The following TKT variants were observed in gnomAD, a reference collection of about 807,000 sequenced individuals.
The protein encoded by TKT is transketolase.
Under a neutral mutation model 63.9 loss-of-function variants are expected in TKT, and 47 were observed. The ratio of observed to expected loss-of-function variants is 0.74; its 90% CI spans 0.58 to 0.94. The LOEUF is 0.94. TKT is among the 40% of genes least tolerant of loss of function. TKT has a pLI of 0.00. For missense variants in TKT, 721 were observed against 846.2 expected, an observed-to-expected ratio of 0.85 and a Z score of 1.84; for synonymous variants, 338 against 334.1, an observed-to-expected ratio of 1.01 and a Z score of -0.13.
chr3:53,243,679 A>T, intron 1 of TKT: 2 of 453,842 alleles, frequency 4.4e-6, no homozygotes, highest in South Asian at 1.6e-5. Context: ...CCTGGCAGGG[A>T]CCCTAATCCC....
chr3:53,243,780 C>G (rs1250846253), intron 1 of TKT, among the ~76,000 whole-genome samples: 3 of 152,166 alleles, frequency 2.0e-5, no homozygotes, highest in African/African-American at 7.2e-5. Context: ...GCTGACCTCT[C>G]GTCCTTCCCA....
At chr3:53,243,900 C>T (rs1043602178) in intron 1 of TKT, among the ~76,000 whole-genome samples, 2 of 152,178 alleles carry the variant, frequency 1.3e-5, no homozygotes, top group East Asian at 1.9e-4. Flanking sequence ...CCAAACTGTT[C>T]CGGGGAAGAA....
intron 4 of TKT, among the ~76,000 whole-genome samples, chr3:53,237,344 C>A (rs1705075402): frequency 6.6e-6 from 1 of 151,612 alleles, no homozygotes; most frequent in African/African-American, 2.4e-5. Flanking sequence ...GCTAAGATGG[C>A]ACCACTGCAC....
intron 1 of TKT, among the ~76,000 whole-genome samples, chr3:53,249,328 A>G (rs1443928127): frequency 6.6e-6 from 1 of 152,036 alleles, no homozygotes. Context: ...CTGTAATCCC[A>G]ACACTTTGGG....
At chr3:53,228,386 A>T (rs1390146499) in intron 10 of TKT, 27 bp from the exon 11 acceptor site, 1 of 1,612,356 alleles carries the variant, frequency 6.2e-7, no homozygotes, top group African/African-American at 1.3e-5. Flanking sequence ...TAAACTGAGG[A>T]TACAGGATGT....
chr3:53,231,233 G>T, intron 7 of TKT, 124 bp downstream of exon 7: 1 of 1,067,070 alleles, frequency 9.4e-7, no homozygotes, highest in Non-Finnish European at 1.3e-6. Flanking sequence ...ACACCTCAGG[G>T]ATCACTCCTC....
rs1704462010 is a variant in TKT, at chr3:53,225,651, A to C, written c.*105T>G. 1 of 1,312,810 alleles carries C rather than the reference A, an allele frequency of 7.6e-7. No individual in the cohort carries two copies. The highest frequency in any genetic ancestry group is 1.5e-5 in the African/African-American group (1 of 66,934). 81.3% of individuals were successfully genotyped at this position (1,312,810 alleles called of 1,614,324 possible). A position where few individuals can be genotyped will look rare whatever the true frequency, so the allele number is the denominator to read the frequency against. ...AAAGAAAACATTTCAGGGCCAATTC[A>C]TTTTTCTCAAAACATATATTTACCC... On this transcript the variant is annotated 3_prime_UTR_variant, in exon 14 of 14. Transcript: ENST00000462138.
intron 1 of TKT, among the ~76,000 whole-genome samples, chr3:53,252,821 A>T (rs1705815536): frequency 6.6e-6 from 1 of 151,422 alleles, no homozygotes; most frequent in Non-Finnish European, 1.5e-5. Flanking sequence ...AGCCTGGCAC[A>T]GACTGCTTGC....
chr3:53,229,180 C>A (rs1553676329), intron 9 of TKT, 43 bp from the exon 10 acceptor site: 3 of 1,613,486 alleles, frequency 1.9e-6, no homozygotes, highest in South Asian at 1.1e-5. Flanking sequence ...AGACCCCTAC[C>A]CCCCCATCCA....
intron 1 of TKT, among the ~76,000 whole-genome samples, chr3:53,248,358 G>T (rs550230428): frequency 6.6e-6 from 1 of 152,318 alleles, no homozygotes; most frequent in African/African-American, 2.4e-5. Context: ...GAAATGAAGG[G>T]CTGGGCGTGG....
intron 1 of TKT, among the ~76,000 whole-genome samples, chr3:53,249,645 T>C (rs974080817): frequency 2.6e-5 from 4 of 152,126 alleles, no homozygotes; most frequent in Admixed American, 2.6e-4. Context: ...TTCTTGGGCG[T>C]CCACACTTCC....
chr3:53,255,870 T>G lies in TKT; in HGVS notation c.73A>C (p.Ser25Arg). 6.5e-7 allele frequency: 1 copy of G among 1,548,984 alleles called. No homozygotes were observed. The highest frequency in any genetic ancestry group is 8.7e-7 in the Non-Finnish European group (1 of 1,148,498). Residue 25 changes from serine to arginine, a missense_variant, in exon 1 of 14, where the codon AGC becomes CGC. By Grantham distance (110) the Ser-to-Arg change is moderately radical. Coordinates refer to ENST00000462138, the MANE Select transcript of TKT (RefSeq NM_001064.4). ...GCCGCAGTGGTGGCCTGGATGGAGCTGATACGTAGGCGGTTGGCCGTGTCC... is the reference window on the plus strand; with the variant it reads ...GCCGCAGTGGTGGCCTGGATGGAGCGGATACGTAGGCGGTTGGCCGTGTCC... ...LKDTANRLRI[S>R]SIQATTAAGS...
At chr3:53,241,924 C>A in intron 2 of TKT, 2 of 584,530 alleles carry the variant, frequency 3.4e-6, no homozygotes, top group Non-Finnish European at 6.1e-6. Flanking sequence ...CAGAGCAACC[C>A]ATCAATTCAG....
At chr3:53,250,774 GTT>G (rs1209037040) in intron 1 of TKT, among the ~76,000 whole-genome samples, 2 of 151,970 alleles carry the variant, frequency 1.3e-5, no homozygotes, top group South Asian at 2.1e-4. Context: ...AGATAGGAAG[GTT>G]TTTTTGTTTT....
intron 12 of TKT, 139 bp downstream of exon 12, chr3:53,227,917 T>A (rs1704568597): frequency 1.3e-6 from 1 of 741,424 alleles, no homozygotes; most frequent in East Asian, 2.7e-5. Context: ...ATAATTGCTA[T>A]CATTATTTAA....
At chr3:53,240,515 T>G (rs1220230406) in intron 3 of TKT, among the ~76,000 whole-genome samples, 167 bp from the exon 4 acceptor site, 1 of 152,128 alleles carries the variant, frequency 6.6e-6, no homozygotes. Context: ...ATGAACTAAT[T>G]ATAATTATAG....
chr3:53,244,281 T>C (rs1010651826), intron 1 of TKT, among the ~76,000 whole-genome samples: 2 of 152,188 alleles, frequency 1.3e-5, no homozygotes, highest in Non-Finnish European at 1.5e-5. Flanking sequence ...CCCAGAGCTT[T>C]TGGGGCTCTC....
At chr3:53,245,596 C>G (rs1705471101) in intron 1 of TKT, among the ~76,000 whole-genome samples, 1 of 152,134 alleles carries the variant, frequency 6.6e-6, no homozygotes, top group South Asian at 2.1e-4. Flanking sequence ...ACCAGCCTGG[C>G]CAACATGGTG....
chr3:53,234,065 G>A (rs1704896275), intron 5 of TKT: 1 of 152,308 alleles, frequency 6.6e-6, no homozygotes. Flanking sequence ...TGCTGCTGGG[G>A]TTGTACTCTG....
Sources: allele counts gnomAD v4.1 joint callset (sites outside exome capture counted in the v4.1 genomes callset), GRCh38; gene constraint gnomAD v4.1.1; transcripts MANE v1.5; gene names NCBI Gene and HGNC (gene_info 2026-07-23, HGNC 2026-07-21).